The following OCM variants were observed in gnomAD, a reference collection of about 807,000 sequenced individuals.
OCM encodes oncomodulin-1.
Under a neutral mutation model 14.1 loss-of-function variants are expected in OCM, and 18 were observed. The ratio of observed to expected loss-of-function variants is 1.28; its 90% confidence interval spans 0.88 to 1.89. The LOEUF (loss-of-function observed/expected upper bound fraction) is 1.89, where lower values mean the gene tolerates loss of function less well. Ranked by LOEUF, OCM falls within the 40% of genes most tolerant of loss-of-function variation. OCM has a pLI of 0.00. For synonymous variants in OCM, 48 were observed against 51.0 expected, an observed-to-expected ratio of 0.94 and a Z score of 0.25; for missense variants, 140 against 137.6, an observed-to-expected ratio of 1.02 and a Z score of -0.09.
the OCM span, among the ~76,000 whole-genome samples, chr7:5,861,408 C>T: frequency 1.8e-4 from 26 of 148,358 alleles, no homozygotes; most frequent in African/African-American, 2.8e-4. Context: ...GCAACAAGAA[C>T]GAAATTCTGT....
chr7:5,874,539 C>T, the OCM span, among the ~76,000 whole-genome samples: 1 of 151,950 alleles, frequency 6.6e-6, no homozygotes, highest in Non-Finnish European at 1.5e-5. Flanking sequence ...GGGTCTCACT[C>T]TGTTAACCAG....
the OCM span, among the ~76,000 whole-genome samples, chr7:5,866,428 G>A: frequency 9.1e-5 from 11 of 121,072 alleles, no homozygotes; most frequent in East Asian, 2.8e-3. Context: ...GAAGGAGGGA[G>A]GGGGAAGACA....
At chr7:5,869,151 A>G in the OCM span, among the ~76,000 whole-genome samples, 3 of 152,218 alleles carry the variant, frequency 2.0e-5, no homozygotes, top group East Asian at 5.8e-4. Context: ...TATTCTGAAT[A>G]CAGTACTGAC....
chr7:5,885,613 C>CTTTA (rs1554279984), intron 3 of OCM, among the ~76,000 whole-genome samples: 2 of 138,360 alleles, frequency 1.4e-5, no homozygotes, highest in African/African-American at 5.3e-5. Context: ...TCTTTCTTTC[C>CTTTA]TTTTTTTTTT....
chr7:5,874,695 G>A, the OCM span, among the ~76,000 whole-genome samples: 5 of 151,738 alleles, frequency 3.3e-5, no homozygotes, highest in Admixed American at 2.0e-4. Context: ...TTGTAGAGAC[G>A]GGGTAGTGCT....
upstream of OCM, among the ~76,000 whole-genome samples, chr7:5,874,952 A>T (rs111300046): frequency 2.0e-4 from 31 of 151,680 alleles, no homozygotes; most frequent in South Asian, 6.2e-4. Flanking sequence ...GCTAACCACC[A>T]TTCTGTCTGT....
At chr7:5,861,621 C>T in the OCM span, among the ~76,000 whole-genome samples, 6 of 152,102 alleles carry the variant, frequency 3.9e-5, no homozygotes, top group Non-Finnish European at 8.8e-5. Context: ...GTGAGTTTAG[C>T]AGGGAAGGAG....
the OCM span, among the ~76,000 whole-genome samples, chr7:5,868,631 G>T: frequency 6.6e-6 from 1 of 152,120 alleles, no homozygotes; most frequent in Non-Finnish European, 1.5e-5. Flanking sequence ...TTAAGGAATT[G>T]TCCTCTCCTG....
the OCM span, among the ~76,000 whole-genome samples, chr7:5,867,856 G>A: frequency 6.6e-6 from 1 of 151,786 alleles, no homozygotes; most frequent in African/African-American, 2.4e-5. Context: ...TGACCTCCTG[G>A]GCCCAGGTGA....
At chr7:5,883,861 A>C in intron 2 of OCM, 29 bp from the exon 3 acceptor site, 2 of 1,612,574 alleles carry the variant, frequency 1.2e-6, no homozygotes, top group Non-Finnish European at 1.7e-6. Flanking sequence ...TCTTTTTGAA[A>C]ATCCCCATGG....
intron 1 of OCM, among the ~76,000 whole-genome samples, chr7:5,881,523 T>C (rs1781216065): frequency 1.3e-5 from 2 of 151,754 alleles, no homozygotes; most frequent in African/African-American, 4.8e-5. Flanking sequence ...CCAGCTACTC[T>C]GGAAACTAAG....
At chr7:5,881,948 A>G (rs1304728814) in intron 1 of OCM, among the ~76,000 whole-genome samples, 1 of 151,786 alleles carries the variant, frequency 6.6e-6, no homozygotes, top group East Asian at 1.9e-4. Context: ...TGAGCTGGGC[A>G]TGGGGGTGCA....
the OCM span, among the ~76,000 whole-genome samples, chr7:5,867,499 T>A: frequency 4.6e-5 from 7 of 152,254 alleles, no homozygotes; most frequent in Admixed American, 3.9e-4. Flanking sequence ...TCTTATTTTT[T>A]CTGGAGGTTC....
upstream of OCM, chr7:5,879,978 C>T (rs1350669645): frequency 1.3e-5 from 2 of 152,154 alleles, no homozygotes; most frequent in Admixed American, 6.6e-5. Context: ...CTGGTGGACA[C>T]ATCAGACCCC....
the OCM span, among the ~76,000 whole-genome samples, chr7:5,869,660 T>G: frequency 6.6e-6 from 1 of 152,064 alleles, no homozygotes; most frequent in African/African-American, 2.4e-5. Context: ...TATGATCTCA[T>G]TCCCACCTGC....
At chr7:5,884,323 A>T (rs41280711) in intron 3 of OCM, among the ~76,000 whole-genome samples, 11,800 of 152,228 alleles carry the variant, frequency 0.078, 514 homozygotes, top group South Asian at 0.11. Flanking sequence ...CACCTGCATA[A>T]AGCGCGAGGT....
the OCM span, among the ~76,000 whole-genome samples, chr7:5,867,998 C>T: frequency 1.3e-5 from 2 of 151,922 alleles, no homozygotes; most frequent in Non-Finnish European, 2.9e-5. Context: ...TCAGCCTCCC[C>T]AAGTTCTGGG....
At chr7:5,874,951 C>A (rs1197792394), upstream of OCM, among the ~76,000 whole-genome samples, 1 of 152,020 alleles carries the variant, frequency 6.6e-6, no homozygotes, top group Non-Finnish European at 1.5e-5. Flanking sequence ...TGCTAACCAC[C>A]ATTCTGTCTG....
chr7:5,882,128 GGCCATTTA>G (rs1781231742), intron 1 of OCM, among the ~76,000 whole-genome samples: 2 of 132,258 alleles, frequency 1.5e-5, no homozygotes, highest in South Asian at 5.0e-4. Context: ...AAGCGCCAAA[GGCCATTTA>G]GCCTGTTGAA....
Sources: allele counts gnomAD v4.1 joint callset (sites outside exome capture counted in the v4.1 genomes callset), GRCh38; gene constraint gnomAD v4.1.1; transcripts MANE v1.5; gene names NCBI Gene and HGNC (gene_info 2026-07-23, HGNC 2026-07-21).